Variants in KIF26B observed in about 807,000 individuals in gnomAD.
The protein encoded by KIF26B is kinesin-like protein KIF26B.
A neutral mutation model predicts 151.2 loss-of-function variants in KIF26B; 63 were observed. The observed-to-expected ratio is 0.42, with a 90% CI of 0.34 to 0.51. The LOEUF (loss-of-function observed/expected upper bound fraction) is 0.51, where lower values mean the gene tolerates loss of function less well. KIF26B is among the 20% of genes least tolerant of loss of function. The pLI is 0.07. For synonymous variants in KIF26B, 1,357 were observed against 1,262.1 expected (o/e 1.08, Z -1.59); for missense variants, 2,813 against 2,913.6 (o/e 0.97, Z 0.79).
intron 10 of KIF26B, among the ~76,000 whole-genome samples, chr1:245,664,458 TG>T (rs2044192093): frequency 6.6e-6 from 1 of 152,132 alleles, no homozygotes; most frequent in African/African-American, 2.4e-5. Flanking sequence ...TTTTTTCTCC[TG>T]TTACACACCT....
chr1:245,410,398 C>T (rs1015567434), intron 3 of KIF26B, among the ~76,000 whole-genome samples: 3 of 152,190 alleles, frequency 2.0e-5, no homozygotes, highest in Non-Finnish European at 4.4e-5. Flanking sequence ...TAGGTAGCCA[C>T]GTGGAACAAG....
chr1:245,492,344 A>G (rs966163891), intron 4 of KIF26B, among the ~76,000 whole-genome samples: 1 of 152,206 alleles, frequency 6.6e-6, no homozygotes, highest in Admixed American at 6.5e-5. Context: ...GTTGAAGATG[A>G]TATCTACAAG....
At chr1:245,650,304 T>C (rs1478137856) in intron 10 of KIF26B, among the ~76,000 whole-genome samples, 1 of 152,250 alleles carries the variant, frequency 6.6e-6, no homozygotes, top group East Asian at 1.9e-4. Flanking sequence ...ACCAAGGTGC[T>C]AGGAATCTTC....
intron 11 of KIF26B, among the ~76,000 whole-genome samples, chr1:245,684,769 G>A (rs1455546626): frequency 1.3e-5 from 2 of 152,184 alleles, no homozygotes; most frequent in Non-Finnish European, 2.9e-5. Context: ...TGTGTCCTTC[G>A]AAGGCTTGGC....
intron 2 of KIF26B, among the ~76,000 whole-genome samples, chr1:245,333,220 C>T (rs868806126): frequency 1.6e-4 from 24 of 152,152 alleles, no homozygotes; most frequent in Admixed American, 5.9e-4. Context: ...AATGGATAAA[C>T]GAGATGTGGT....
At chr1:245,395,875 A>G (rs1673824097) in intron 3 of KIF26B, among the ~76,000 whole-genome samples, 1 of 152,184 alleles carries the variant, frequency 6.6e-6, no homozygotes, top group African/African-American at 2.4e-5. Context: ...GGCTACTTCT[A>G]GCTCTGTGAC....
intron 14 of KIF26B, among the ~76,000 whole-genome samples, chr1:245,701,726 A>C (rs2044774849): frequency 6.6e-6 from 1 of 152,190 alleles, no homozygotes; most frequent in African/African-American, 2.4e-5. Context: ...CTGTCAGCAG[A>C]GGTGGAGGTC....
At chr1:245,180,057 C>T (rs1203687317) in intron 2 of KIF26B, among the ~76,000 whole-genome samples, 1 of 152,218 alleles carries the variant, frequency 6.6e-6, no homozygotes, top group African/African-American at 2.4e-5. Flanking sequence ...TAATCGCTGG[C>T]AGCAGCAAGG....
intron 3 of KIF26B, among the ~76,000 whole-genome samples, chr1:245,392,683 TG>T (rs1184664684): frequency 3.3e-5 from 5 of 152,206 alleles, no homozygotes; most frequent in African/African-American, 1.2e-4. Context: ...TGTTGAGAAA[TG>T]TCACAGGGAT....
intron 4 of KIF26B, among the ~76,000 whole-genome samples, chr1:245,484,767 A>ATTATTAT (rs1476972186): frequency 6.0e-5 from 8 of 134,268 alleles, no homozygotes; most frequent in African/African-American, 1.1e-4. Flanking sequence ...CTTCTTCTTC[A>ATTATTAT]TATTATTATT....
At chr1:245,473,086 A>G (rs1003166026) in intron 4 of KIF26B, among the ~76,000 whole-genome samples, 79 of 152,226 alleles carry the variant, frequency 5.2e-4, no homozygotes, top group African/African-American at 1.8e-3. Context: ...TCTGTAAACA[A>G]TAAGAGAACA....
intron 4 of KIF26B, among the ~76,000 whole-genome samples, chr1:245,518,000 T>C (rs1274815498): frequency 6.6e-6 from 1 of 151,612 alleles, no homozygotes. Context: ...GTCTCCCAAG[T>C]AGCTGGGATT....
intron 2 of KIF26B, among the ~76,000 whole-genome samples, chr1:245,204,858 G>A (rs1669369835): frequency 6.6e-6 from 1 of 152,032 alleles, no homozygotes; most frequent in Admixed American, 6.6e-5. Context: ...ATAGCTCACT[G>A]CAGCGTCGAA....
At chr1:245,546,781 A>G (rs1661750759) in intron 5 of KIF26B, among the ~76,000 whole-genome samples, 1 of 152,210 alleles carries the variant, frequency 6.6e-6, no homozygotes, top group African/African-American at 2.4e-5. Flanking sequence ...AATAATACCT[A>G]TTCATCACTA....
intron 4 of KIF26B, among the ~76,000 whole-genome samples, chr1:245,486,969 A>T (rs1210967680): frequency 6.6e-6 from 1 of 152,210 alleles, no homozygotes; most frequent in African/African-American, 2.4e-5. Context: ...CTTCCTGTCC[A>T]TAGAACTGTC....
chr1:245,217,148 C>T (rs1285435203), intron 2 of KIF26B, among the ~76,000 whole-genome samples: 2 of 152,100 alleles, frequency 1.3e-5, no homozygotes, highest in Non-Finnish European at 2.9e-5. Flanking sequence ...GTCTCATTTG[C>T]CCTAAACTAA....
chr1:245,622,746 A>C (rs2043677840), intron 9 of KIF26B, among the ~76,000 whole-genome samples: 1 of 152,148 alleles, frequency 6.6e-6, no homozygotes, highest in South Asian at 2.1e-4. Context: ...ATGAGGCTGT[A>C]AGCTGGGCCG....
intron 2 of KIF26B, among the ~76,000 whole-genome samples, chr1:245,221,731 TG>T (rs1226569188): frequency 6.6e-6 from 1 of 152,230 alleles, no homozygotes. Context: ...TTTTATACTT[TG>T]TGTTTGCATT....
At chr1:245,362,665 C>T (rs1376620868) in intron 2 of KIF26B, among the ~76,000 whole-genome samples, 2 of 152,102 alleles carry the variant, frequency 1.3e-5, no homozygotes, top group African/African-American at 4.8e-5. Context: ...GCCACATTAT[C>T]TTTATTTCTC....
Sources: gnomAD v4.1 joint callset for allele counts (sites outside exome capture counted in the v4.1 genomes callset) on GRCh38, gnomAD v4.1.1 for gene constraint, MANE v1.5 for transcripts, NCBI Gene and HGNC (gene_info 2026-07-23, HGNC 2026-07-21) for gene names.